The following AMOTL1 variants were observed in gnomAD, a reference collection of about 807,000 sequenced individuals.
AMOTL1 encodes the protein angiomotin-like protein 1.
AMOTL1 carries 45 observed loss-of-function variants against 102.9 expected under a neutral mutation model. The observed-to-expected ratio is 0.44, with a 90% CI of 0.34 to 0.56. AMOTL1 has a LOEUF of 0.56. Among genes scored for constraint, AMOTL1 ranks in the 20% least tolerant of loss-of-function variants. The probability of loss-of-function intolerance (pLI) is 0.01; values close to 1 mark genes in which losing one functional copy is unlikely to be tolerated. For missense variants in AMOTL1, 1,114 were observed against 1,225.6 expected (o/e 0.91, Z 1.36); for synonymous variants, 481 against 484.7 (o/e 0.99, Z 0.10).
intron 3 of AMOTL1, 104 bp from the exon 4 acceptor site, chr11:94,821,426 G>A (rs1035183082): frequency 2.4e-6 from 3 of 1,229,252 alleles, no homozygotes; most frequent in Non-Finnish European, 3.4e-6. Flanking sequence ...TGCACTGATG[G>A]CCTCTGACCA....
At chr11:94,820,726 C>A (rs1005381249) in intron 3 of AMOTL1, among the ~76,000 whole-genome samples, 1 of 152,118 alleles carries the variant, frequency 6.6e-6, no homozygotes, top group Non-Finnish European at 1.5e-5. Context: ...TGTTTTCTTG[C>A]AACTAGATTG....
intron 6 of AMOTL1, among the ~76,000 whole-genome samples, chr11:94,838,776 G>A (rs1181070102): frequency 6.6e-6 from 1 of 152,154 alleles, no homozygotes; most frequent in Non-Finnish European, 1.5e-5. Flanking sequence ...TCCCACATCA[G>A]GGGAACATAA....
rs1951417088 is a variant in AMOTL1 at position 94,799,010 on chromosome 11, A to G, written c.200-380A>G. On this transcript the variant is annotated intron_variant, in intron 2 of 12. Coordinates refer to ENST00000433060, the MANE Select transcript of AMOTL1 (RefSeq NM_130847.3). This position sits in a 1 kb window ranked among gnomAD's most constrained non-coding sequence, Gnocchi z 4.5. ...GATACAGGGTGGTAGTTAGAGGTAT[A>G]TGGGAGGGCCAAGAAAAGGTGGTTT... is the stretch of plus-strand genomic sequence containing the variant. Among the ~76,000 whole-genome samples the G allele has an allele frequency of 6.6e-6, 1 of 152,072 alleles. No homozygotes were observed. Among genetic ancestry groups the G allele is most frequent in the Non-Finnish European group, 1.5e-5 (1 of 68,010 alleles).
intron 1 of AMOTL1, among the ~76,000 whole-genome samples, chr11:94,714,689 T>C (rs1467061759): frequency 6.6e-6 from 1 of 152,166 alleles, no homozygotes; most frequent in Admixed American, 6.5e-5. Context: ...CATATTATTC[T>C]TTTAATGACT....
intron 2 of AMOTL1, among the ~76,000 whole-genome samples, chr11:94,729,465 T>C (rs940674399): frequency 3.9e-5 from 6 of 152,160 alleles, no homozygotes; most frequent in Non-Finnish European, 8.8e-5. Flanking sequence ...AACATTCAAG[T>C]TGAGGATAAA....
chr11:94,830,997 A>G (rs1267823170), intron 5 of AMOTL1, among the ~76,000 whole-genome samples: 1 of 152,258 alleles, frequency 6.6e-6, no homozygotes, highest in African/African-American at 2.4e-5. Context: ...TACAGTCTTC[A>G]TACATTAGGT....
upstream of AMOTL1, among the ~76,000 whole-genome samples, chr11:94,766,102 G>A (rs974986508): frequency 2.0e-5 from 3 of 151,478 alleles, no homozygotes; most frequent in African/African-American, 7.3e-5. Flanking sequence ...GATAAACAAC[G>A]AGTCAATGAG....
chr11:94,816,667 A>G (rs1003568509), intron 3 of AMOTL1, among the ~76,000 whole-genome samples: 1 of 152,136 alleles, frequency 6.6e-6, no homozygotes, highest in Non-Finnish European at 1.5e-5. Context: ...TTTTGCTTTT[A>G]AAGTCCTTGT....
chr11:94,780,897 C>T (rs757723945), intron 1 of AMOTL1, among the ~76,000 whole-genome samples: 3 of 152,172 alleles, frequency 2.0e-5, no homozygotes, highest in Non-Finnish European at 2.9e-5. Flanking sequence ...GAAAGTATGG[C>T]ATGTCCTTTC....
intron 3 of AMOTL1, among the ~76,000 whole-genome samples, chr11:94,821,177 C>A (rs541016122): frequency 6.6e-6 from 1 of 152,336 alleles, no homozygotes; most frequent in East Asian, 1.9e-4. Context: ...TAGGAAGTAG[C>A]CATGGGGTCA....
At chr11:94,768,311 T>G, upstream of AMOTL1, 3 of 1,366,910 alleles carry the variant, frequency 2.2e-6, no homozygotes, top group Non-Finnish European at 2.8e-6. Flanking sequence ...CGGGCGACCC[T>G]CCCCGGCCCG....
intron 1 of AMOTL1, among the ~76,000 whole-genome samples, chr11:94,774,594 T>C (rs1950997731): frequency 6.6e-6 from 1 of 152,208 alleles, no homozygotes; most frequent in Non-Finnish European, 1.5e-5. Flanking sequence ...TCAAATGTGA[T>C]TGAGCATCAG....
At chr11:94,859,118 T>C (rs1274431288) in intron 8 of AMOTL1, among the ~76,000 whole-genome samples, 1 of 152,200 alleles carries the variant, frequency 6.6e-6, no homozygotes, top group Non-Finnish European at 1.5e-5. Flanking sequence ...CTTTGTGGAA[T>C]TCTGGAGAAA....
intron 2 of AMOTL1, among the ~76,000 whole-genome samples, chr11:94,736,870 T>C (rs1950445791): frequency 6.6e-6 from 1 of 152,254 alleles, no homozygotes; most frequent in Non-Finnish European, 1.5e-5. Flanking sequence ...AGAAGGGCAC[T>C]GATCATCTCT....
chr11:94,726,839 G>A (rs1280697186), intron 1 of AMOTL1, among the ~76,000 whole-genome samples: 1 of 152,152 alleles, frequency 6.6e-6, no homozygotes, highest in Non-Finnish European at 1.5e-5. Flanking sequence ...TAACAGGTGT[G>A]ATGGATCAAA....
chr11:94,711,640 TCC>T (rs1450636642), intron 1 of AMOTL1, among the ~76,000 whole-genome samples: 1 of 152,142 alleles, frequency 6.6e-6, no homozygotes, highest in East Asian at 1.9e-4. Flanking sequence ...TAATCTGTTG[TCC>T]ATTTATATAA....
intron 12 of AMOTL1, among the ~76,000 whole-genome samples, chr11:94,870,053 C>A (rs752864512): frequency 1.3e-5 from 2 of 152,122 alleles, no homozygotes; most frequent in Non-Finnish European, 2.9e-5. Flanking sequence ...ATAGACCTGG[C>A]CTCTTAAGGC....
chr11:94,846,701 G>A (rs1485442099), intron 6 of AMOTL1, among the ~76,000 whole-genome samples: 1 of 152,208 alleles, frequency 6.6e-6, no homozygotes, highest in African/African-American at 2.4e-5. Context: ...TGTGTGCTTG[G>A]AGAGGAGGGG....
chr11:94,870,963 A>C lies in AMOTL1; in HGVS notation c.*168A>C. On this transcript the variant is annotated 3_prime_UTR_variant, in exon 13 of 13. Coordinates refer to ENST00000433060, the MANE Select transcript of AMOTL1 (RefSeq NM_130847.3). ...TATAAATGTTAAACACAAAAACTAC[A>C]TGACTGAAGATAGAAGAGAATGCGA... The C allele has an allele frequency of 1.9e-6, 1 of 526,758 alleles. No individual in the cohort carries two copies. Among genetic ancestry groups the C allele is most frequent in the Non-Finnish European group, 3.3e-6 (1 of 302,510 alleles). The allele number at this position is 526,758 out of a possible 1,614,324, so 32.6% of individuals were successfully genotyped here.
Sources: gnomAD v4.1 joint callset for allele counts (sites outside exome capture counted in the v4.1 genomes callset) on GRCh38, gnomAD v4.1.1 for gene constraint, Gnocchi (gnomAD v3.1) non-coding constraint, MANE v1.5 for transcripts, NCBI Gene and HGNC (gene_info 2026-07-23, HGNC 2026-07-21) for gene names.